The following CFAP20DC variants were observed in gnomAD, a reference collection of about 807,000 sequenced individuals.
The protein encoded by CFAP20DC is CFAP20 domain containing.
CFAP20DC carries 84 observed loss-of-function variants against 101.7 expected under a neutral mutation model. That is an observed-to-expected ratio of 0.83 (90% confidence interval 0.69 to 0.99). The LOEUF (loss-of-function observed/expected upper bound fraction) is 0.99. Ranked by LOEUF, CFAP20DC falls within the 50% of genes least tolerant of loss-of-function variation. CFAP20DC has a pLI of 0.00. For synonymous variants in CFAP20DC, 359 were observed against 351.2 expected, an observed-to-expected ratio of 1.02 and a Z score of -0.25; for missense variants, 1,007 against 970.3, an observed-to-expected ratio of 1.04 and a Z score of -0.50.
chr3:58,945,701 T>C (rs2089260030), intron 4 of CFAP20DC, among the ~76,000 whole-genome samples: 1 of 151,540 alleles, frequency 6.6e-6, no homozygotes, highest in Non-Finnish European at 1.5e-5. Context: ...CACTTTCTTT[T>C]TTTTTTTTTT....
At chr3:59,018,176 G>C (rs899362193) in intron 4 of CFAP20DC, 1 of 152,034 alleles carries the variant, frequency 6.6e-6, no homozygotes, top group Admixed American at 6.6e-5. Context: ...GAAACATGTG[G>C]CAAACTATGC....
At chr3:58,884,416 G>A in intron 7 of CFAP20DC, 129 bp downstream of exon 7, 1 of 784,926 alleles carries the variant, frequency 1.3e-6, no homozygotes, top group Non-Finnish European at 2.0e-6. Flanking sequence ...CGTGGTATGT[G>A]GCAAGTATAC....
chr3:58,762,344 G>C (rs1441594057), intron 15 of CFAP20DC, among the ~76,000 whole-genome samples: 1 of 151,892 alleles, frequency 6.6e-6, no homozygotes. Flanking sequence ...GTTTTATCAG[G>C]GATGAGGATT....
chr3:58,799,963 C>G lies in CFAP20DC; in HGVS notation c.2237+6432G>C, dbSNP rs770818325. 2.0e-5 allele frequency among the ~76,000 whole-genome samples: 3 copies of G among 152,194 alleles called. No homozygotes were observed. The highest frequency in any genetic ancestry group is 2.9e-5 in the Non-Finnish European group (2 of 68,028). On this transcript the variant is annotated intron_variant, in intron 15 of 16. Transcript: ENST00000482387. This position sits in a 1 kb window ranked among gnomAD's most constrained non-coding sequence, Gnocchi z 4.9. ...TGGGAAGCAACCTTGGTTAAGAGAA[C>G]TCCATCCAGGCAGCACTCCTAAGTG...
chr3:58,978,716 C>CAAAAA (rs201916298), intron 4 of CFAP20DC, among the ~76,000 whole-genome samples: 1 of 66,552 alleles, frequency 1.5e-5, no homozygotes, highest in African/African-American at 4.6e-5. Flanking sequence ...TCCCTGTCTG[C>CAAAAA]AAAAAAAAAA....
intron 16 of CFAP20DC, among the ~76,000 whole-genome samples, chr3:58,747,891 G>A (rs2068316790): frequency 6.6e-6 from 1 of 152,002 alleles, no homozygotes; most frequent in Non-Finnish European, 1.5e-5. Context: ...AACCAACAAT[G>A]GAAAGAAAAC....
At chr3:58,821,545 T>C (rs1311620537) in intron 14 of CFAP20DC, among the ~76,000 whole-genome samples, 3 of 150,358 alleles carry the variant, frequency 2.0e-5, no homozygotes, top group Admixed American at 6.6e-5. Flanking sequence ...CATGAAAAAA[T>C]GCTCATCATC....
chr3:58,893,841 T>C (rs1403120435), intron 6 of CFAP20DC, among the ~76,000 whole-genome samples: 1 of 151,878 alleles, frequency 6.6e-6, no homozygotes, highest in Non-Finnish European at 1.5e-5. Context: ...GATAAAGACA[T>C]ACCTGAGACT....
chr3:58,727,926 CA>C (rs1283709106), intron 3 of CFAP20DC: 1 of 152,176 alleles, frequency 6.6e-6, no homozygotes, highest in Non-Finnish European at 1.5e-5. Flanking sequence ...AATCAAGTGG[CA>C]AAGTATGCCA....
At chr3:59,013,885 T>C (rs1202824896) in intron 4 of CFAP20DC, among the ~76,000 whole-genome samples, 2 of 152,204 alleles carry the variant, frequency 1.3e-5, no homozygotes, top group African/African-American at 4.8e-5. Flanking sequence ...ACATGCTCAG[T>C]TGCCTTAGTT....
intron 15 of CFAP20DC, among the ~76,000 whole-genome samples, chr3:58,770,805 G>A (rs536345105): frequency 7.9e-5 from 12 of 152,186 alleles, no homozygotes; most frequent in Non-Finnish European, 1.6e-4. Context: ...AGTGGTGGGA[G>A]ACTGAATTAG....
At chr3:58,917,004 AT>A (rs1388248625) in intron 5 of CFAP20DC, among the ~76,000 whole-genome samples, 1 of 152,144 alleles carries the variant, frequency 6.6e-6, no homozygotes, top group African/African-American at 2.4e-5. Flanking sequence ...CTATATTTCT[AT>A]GTACAACTCT....
chr3:58,812,008 C>T (rs1294796981), intron 14 of CFAP20DC, among the ~76,000 whole-genome samples: 1 of 152,074 alleles, frequency 6.6e-6, no homozygotes, highest in Non-Finnish European at 1.5e-5. Context: ...CAATGAGATA[C>T]CATCTCACAC....
chr3:58,945,679 T>G (rs966149817), intron 4 of CFAP20DC, among the ~76,000 whole-genome samples: 1 of 151,652 alleles, frequency 6.6e-6, no homozygotes, highest in African/African-American at 2.4e-5. Context: ...AGCTGCCACA[T>G]GCTGTCAAAG....
intron 6 of CFAP20DC, among the ~76,000 whole-genome samples, chr3:58,890,406 C>T (rs2082086056): frequency 1.4e-5 from 2 of 144,524 alleles, no homozygotes; most frequent in Non-Finnish European, 3.1e-5. Flanking sequence ...CCCCTCACCT[C>T]CCGGACGGGG....
chr3:58,796,389 C>T (rs2107664292), intron 15 of CFAP20DC, among the ~76,000 whole-genome samples: 1 of 152,270 alleles, frequency 6.6e-6, no homozygotes, highest in East Asian at 1.9e-4. Flanking sequence ...CAGTTTGCTA[C>T]TAGGGGTGCC....
At chr3:58,871,429 G>A (rs1215050732) in intron 7 of CFAP20DC, among the ~76,000 whole-genome samples, 2 of 152,052 alleles carry the variant, frequency 1.3e-5, no homozygotes, top group African/African-American at 4.8e-5. Context: ...GGGCAGGTGT[G>A]CTCACCAAAT....
chr3:59,031,130 G>T (rs2093987193), intron 4 of CFAP20DC, among the ~76,000 whole-genome samples: 2 of 152,108 alleles, frequency 1.3e-5, no homozygotes, highest in Non-Finnish European at 2.9e-5. Context: ...CCAGCTTTAA[G>T]TTTTTTTAAA....
At chr3:58,932,348 T>A (rs1371395684) in intron 5 of CFAP20DC, among the ~76,000 whole-genome samples, 1 of 152,162 alleles carries the variant, frequency 6.6e-6, no homozygotes, top group East Asian at 1.9e-4. Flanking sequence ...GAAAACACTC[T>A]GCAGGATATT....
Sources: allele counts gnomAD v4.1 joint callset (sites outside exome capture counted in the v4.1 genomes callset), GRCh38; gene constraint gnomAD v4.1.1; non-coding constraint Gnocchi (gnomAD v3.1); transcripts MANE v1.5; gene names NCBI Gene and HGNC (gene_info 2026-07-23, HGNC 2026-07-21).